The following TCOF1 variants were observed in gnomAD, a reference collection of about 807,000 sequenced individuals.
TCOF1 encodes treacle ribosome biogenesis factor 1.
In TCOF1, 33 loss-of-function variants were observed where a neutral mutation model predicts 149.0. The ratio of observed to expected loss-of-function variants is 0.22; its 90% confidence interval spans 0.17 to 0.30. The LOEUF (loss-of-function observed/expected upper bound fraction) is 0.30. Ranked by LOEUF, TCOF1 falls within the 10% of genes least tolerant of loss-of-function variation. The pLI is 1.00. For synonymous variants in TCOF1, 789 were observed against 738.8 expected, an observed-to-expected ratio of 1.07 and a Z score of -1.10; for missense variants, 1,728 against 1,840.7, an observed-to-expected ratio of 0.94 and a Z score of 1.12.
intron 18 of TCOF1, among the ~76,000 whole-genome samples, chr5:150,388,944 CA>C (rs1244401083): frequency 6.6e-6 from 1 of 151,702 alleles, no homozygotes; most frequent in Non-Finnish European, 1.5e-5. Context: ...AGAAAGCAGG[CA>C]AAATAGAGAT....
At chr5:150,393,927 CTT>C in intron 23 of TCOF1, 1 of 321,512 alleles carries the variant, frequency 3.1e-6, no homozygotes, top group Non-Finnish European at 6.1e-6. Context: ...AGAAGAATGA[CTT>C]GAAGCCAGGA....
chr5:150,379,391 G>A lies in TCOF1; in HGVS notation c.2641G>A (p.Ala881Thr). 6.2e-7 allele frequency: 1 copy of A among 1,614,150 alleles called. No homozygotes were observed. The highest frequency in any genetic ancestry group is 1.6e-4 in the Middle Eastern group (1 of 6,062). ...SEEESDSEEE[A>T]ETLAQVKPSG... ...GGAGGAGTCAGACAGTGAGGAGGAG[G>A]CGGAGACGCTGGCTCAGGTGAGGGG... is the stretch of plus-strand genomic sequence containing the variant. The change falls in exon 16 of 27, where the codon GCG becomes ACG. Residue 881 changes from alanine to threonine, a missense_variant. Physicochemically the swap from Ala to Thr is moderately conservative, Grantham distance 58. Transcript: ENST00000643257.
In TCOF1 at chr5:150,374,789, G is replaced by A; in HGVS notation, c.1256G>A (p.Ser419Asn). 2 of 1,611,746 alleles carry A rather than the reference G, an allele frequency of 1.2e-6. No homozygotes were observed. The highest frequency in any genetic ancestry group is 1.7e-6 in the Non-Finnish European group (2 of 1,178,978). Residue 419 changes from serine (S) to asparagine (N), a missense_variant, in exon 9 of 27, where the codon AGT becomes AAT. Ser to Asn is a conservative substitution (Grantham distance 46). Transcript: ENST00000643257. ...DSQSSSEESDSEEEAPAQAKP... is the reference protein window; with the variant it reads ...DSQSSSEESDNEEEAPAQAKP... ...CAGAGCAGCAGCGAGGAATCGGACAGTGAGGAGGAGGCGCCTGCTCAGGTG... is the reference window on the plus strand; with the variant it reads ...CAGAGCAGCAGCGAGGAATCGGACAATGAGGAGGAGGCGCCTGCTCAGGTG...
chr5:150,377,897 C>A (rs948432210), intron 14 of TCOF1, among the ~76,000 whole-genome samples: 8 of 152,164 alleles, frequency 5.3e-5, no homozygotes, highest in African/African-American at 1.4e-4. Context: ...ACCCAGGTTT[C>A]TTTTTGTTGA....
At chr5:150,390,603 T>C (rs1233154749) in intron 19 of TCOF1, among the ~76,000 whole-genome samples, 1 of 144,416 alleles carries the variant, frequency 6.9e-6, no homozygotes, top group Non-Finnish European at 1.5e-5. Context: ...TGGTTTCCCA[T>C]CCCACTGAGA....
intron 4 of TCOF1, chr5:150,368,205 C>T (rs956559705): frequency 3.1e-5 from 14 of 447,424 alleles, no homozygotes; most frequent in South Asian, 3.1e-4. Context: ...CCCGTTCACT[C>T]AACAGATCTT....
rs766333298 is a variant in TCOF1 at position 150,367,825 on chromosome 5, A to T, written c.305-19A>T. On this transcript the variant is annotated intron_variant, in intron 3 of 26. Transcript: ENST00000643257. ...GAAAAGCTCATCTGGCTCCTTTAGC[A>T]GATGTTTGTTTCTTGCAGCCCCAAG... The T allele has an allele frequency of 6.2e-7, 1 of 1,613,970 alleles. No homozygotes were observed. Among genetic ancestry groups the T allele is most frequent in the South Asian group, 1.1e-5 (1 of 91,052 alleles).
At chr5:150,391,883 T>G in intron 20 of TCOF1, 74 bp from the exon 21 acceptor site, 2 of 1,453,050 alleles carry the variant, frequency 1.4e-6, no homozygotes, top group East Asian at 4.8e-5. Context: ...CTGGCCCTAC[T>G]GAAGTGTTCA....
In TCOF1 at chr5:150,374,687, G is replaced by T. The variant is rs1763314201; in HGVS notation, c.1154G>T (p.Gly385Val). 1 of 1,613,498 alleles carries T rather than the reference G, an allele frequency of 6.2e-7. No homozygotes were observed. The highest frequency in any genetic ancestry group is 1.7e-5 in the Admixed American group (1 of 59,962). Residue 385 changes from glycine to valine, a missense_variant, in exon 9 of 27, where the codon GGA (glycine) becomes GTA (valine). By Grantham distance (109) the Gly-to-Val change is moderately radical. This residue lies in a region of TCOF1 where 1,696 missense variants were observed against 1,765.4 expected (regional missense o/e 0.96). Coordinates refer to ENST00000643257, the MANE Select transcript of TCOF1 (RefSeq NM_001371623.1). The stretch of plus-strand genomic sequence containing the variant: ...CCTGCCAAGGAGTCCCCCAGGAAAG[G>T]AGCTGCCCCAGCGCCCCCTGGGAAG... ...SAPAKESPRK[G>V]AAPAPPGKTG... is the part of the protein sequence containing the mutation.
chr5:150,391,734 C>A, intron 20 of TCOF1, 77 bp downstream of exon 20: 2 of 1,379,450 alleles, frequency 1.4e-6, no homozygotes, highest in Non-Finnish European at 2.0e-6. Flanking sequence ...GCGGCACCAG[C>A]ACTCATCTGC....
At chr5:150,392,871 A>G in intron 22 of TCOF1, 81 bp downstream of exon 22, 3 of 1,512,346 alleles carry the variant, frequency 2.0e-6, no homozygotes, top group Non-Finnish European at 2.7e-6. Context: ...CCGATCCCTC[A>G]GGTCAGGGGT....
rs560216483 is a variant in TCOF1, at chr5:150,398,802, C to T, written c.4444-220C>T. On this transcript the variant is annotated intron_variant, in intron 25 of 26. Transcript: ENST00000643257. ...CTGAACAACAGCTGTCCTCACGGCG[C>T]GGGGCCTTAGCACCTCAGACACAGA... is the stretch of plus-strand genomic sequence containing the variant. Among the ~76,000 whole-genome samples, 543 of 152,350 alleles carry T rather than the reference C, an allele frequency of 3.6e-3. 10 individuals carry two copies. In the South Asian group the frequency reaches 0.042, roughly 12 times the overall value.
At chr5:150,383,499 A>C (rs1485365315) in intron 17 of TCOF1, among the ~76,000 whole-genome samples, 2 of 152,132 alleles carry the variant, frequency 1.3e-5, no homozygotes, top group Admixed American at 6.5e-5. Flanking sequence ...CAGTACTGGC[A>C]CCTCTCTCCT....
intron 21 of TCOF1, chr5:150,392,393 G>C: frequency 1.6e-6 from 1 of 621,820 alleles, no homozygotes. Flanking sequence ...TCAGCTTTTT[G>C]GTATCAGACT....
chr5:150,378,067 C>T (rs1012368353), intron 14 of TCOF1, among the ~76,000 whole-genome samples: 6 of 152,272 alleles, frequency 3.9e-5, no homozygotes, highest in Non-Finnish European at 7.4e-5. Context: ...TGATGAGCAC[C>T]TCGGCCTGAG....
intron 17 of TCOF1, among the ~76,000 whole-genome samples, chr5:150,385,596 T>A (rs939060891): frequency 6.6e-6 from 1 of 152,176 alleles, no homozygotes; most frequent in Non-Finnish European, 1.5e-5. Context: ...GCCTTTGTGG[T>A]CATGTCCCTT....
Position 150,375,319 on chromosome 5 carries a change from T to G in TCOF1, c.1489-20T>G, listed in dbSNP as rs756041007. Reference sequence around the variant, plus strand: ...CTCCTTCTGGACTCCCTCCCTAATCTTGTCCTTTGTGTCTCCCAGGTGAAG... The same window carrying G: ...CTCCTTCTGGACTCCCTCCCTAATCGTGTCCTTTGTGTCTCCCAGGTGAAG... On this transcript the variant is annotated intron_variant, in intron 10 of 26. Coordinates refer to ENST00000643257, the MANE Select transcript of TCOF1 (RefSeq NM_001371623.1). The G allele has an allele frequency of 6.2e-7, 1 of 1,609,842 alleles. No homozygotes were observed. Among genetic ancestry groups the G allele is most frequent in the Non-Finnish European group, 8.5e-7 (1 of 1,178,150 alleles).
chr5:150,366,678 C>T (rs1390134518), intron 3 of TCOF1, among the ~76,000 whole-genome samples: 1 of 61,910 alleles, frequency 1.6e-5, no homozygotes, highest in African/African-American at 9.7e-5. Context: ...GACGGAGTCT[C>T]GCTCTGTCGC....
intron 3 of TCOF1, among the ~76,000 whole-genome samples, chr5:150,365,581 G>A (rs1761160746): frequency 6.6e-6 from 1 of 152,036 alleles, no homozygotes; most frequent in Non-Finnish European, 1.5e-5. Flanking sequence ...ATTCTTACAT[G>A]CATATATACA....
Sources: gnomAD v4.1 joint callset for allele counts (sites outside exome capture counted in the v4.1 genomes callset) on GRCh38, gnomAD v4.1.1 for gene constraint, gnomAD v4.1.1 regional missense constraint, MANE v1.5 for transcripts, NCBI Gene and HGNC (gene_info 2026-07-23, HGNC 2026-07-21) for gene names.